Variants in CADM1 observed in about 807,000 individuals in gnomAD.
CADM1 encodes TSLC-1.
Under a neutral mutation model 53.1 loss-of-function variants are expected in CADM1, and 15 were observed. That is an observed-to-expected ratio of 0.28 (90% CI 0.19 to 0.44). CADM1 has a LOEUF of 0.44. CADM1 is among the 20% of genes least tolerant of loss of function. The pLI, the probability that CADM1 is intolerant of heterozygous loss-of-function variation, is 1.00. For missense variants in CADM1, 434 were observed against 611.3 expected, an observed-to-expected ratio of 0.71 and a Z score of 3.06; for synonymous variants, 281 against 243.0, an observed-to-expected ratio of 1.16 and a Z score of -1.45.
chr11:115,249,536 T>G (rs1942522287), intron 1 of CADM1, among the ~76,000 whole-genome samples: 1 of 152,198 alleles, frequency 6.6e-6, no homozygotes, highest in Non-Finnish European at 1.5e-5. Flanking sequence ...AAACACAAGC[T>G]ATTCACAACT....
intron 5 of CADM1, among the ~76,000 whole-genome samples, chr11:115,220,081 G>A (rs976311324): frequency 5.3e-5 from 8 of 152,096 alleles, no homozygotes; most frequent in African/African-American, 1.4e-4. Context: ...GAAAGGCTAC[G>A]TTTTTCATGC....
At position 115,175,064 on chromosome 11, in the gene CADM1, G is replaced by C; in HGVS notation, c.*1410C>G. 1 of 985,838 alleles carries C rather than the reference G, an allele frequency of 1.0e-6. No homozygotes were observed. The highest frequency in any genetic ancestry group is 1.2e-6 in the Non-Finnish European group (1 of 829,916). The allele number at this position is 985,838 out of a possible 1,614,324, so 61.1% of individuals were successfully genotyped here. ...TTGGCAGATGGTTCTTAAGGCTGAG[G>C]AAAGAGGCCAAGGCTAGTGTATGAA... On this transcript the variant is annotated 3_prime_UTR_variant, in exon 12 of 12. Transcript: ENST00000331581.
rs1158830242 is a variant in CADM1, at chr11:115,175,663, A to G, written c.*811T>C. Reference sequence around the variant, plus strand: ...TGCCCCAAACCTTTCTGGACAGCGTAGGGTATCTATACTGAGCCGTCTACA... The same window carrying G: ...TGCCCCAAACCTTTCTGGACAGCGTGGGGTATCTATACTGAGCCGTCTACA... On this transcript the variant is annotated 3_prime_UTR_variant, in exon 12 of 12. Coordinates refer to ENST00000331581, the MANE Select transcript of CADM1 (RefSeq NM_001301043.2). 2.0e-6 allele frequency: 2 copies of G among 986,098 alleles called. No individual in the cohort carries two copies. The highest frequency in any genetic ancestry group is 2.3e-4 in the East Asian group (2 of 8,842). 61.1% of individuals were successfully genotyped at this position (986,098 alleles called of 1,614,324 possible).
intron 1 of CADM1, among the ~76,000 whole-genome samples, chr11:115,353,064 G>C (rs537427901): frequency 1.3e-5 from 2 of 152,206 alleles, no homozygotes; most frequent in Non-Finnish European, 2.9e-5. Context: ...GACTGAAAAT[G>C]CTAAAGGCTT....
chr11:115,210,105 A>G (rs1244375292), intron 7 of CADM1, among the ~76,000 whole-genome samples: 1 of 152,210 alleles, frequency 6.6e-6, no homozygotes, highest in Non-Finnish European at 1.5e-5. Flanking sequence ...GCCCCTGCAC[A>G]CTTGCTCTCT....
intron 1 of CADM1, among the ~76,000 whole-genome samples, chr11:115,440,232 G>A (rs993595583): frequency 3.3e-5 from 5 of 152,274 alleles, no homozygotes; most frequent in South Asian, 2.1e-4. Context: ...GTATGGATAC[G>A]CTAAACAGCA....
At position 115,326,264 on chromosome 11, in the gene CADM1, A is replaced by G. The variant is rs1231019406; in HGVS notation, c.125-85844T>C. Among the ~76,000 whole-genome samples the G allele has an allele frequency of 2.0e-5, 3 of 152,208 alleles. No individual in the cohort carries two copies. In the East Asian group the frequency reaches 5.8e-4, roughly 29 times the overall value. The stretch of plus-strand genomic sequence containing the variant: ...CATTATCAACACTGATTTCTAAATT[A>G]ATTAACTTAAAATTAACACAAAACA... On this transcript the variant is annotated intron_variant, in intron 1 of 11. Coordinates refer to ENST00000331581, the MANE Select transcript of CADM1 (RefSeq NM_001301043.2).
At chr11:115,212,638 T>A (rs145051477) in intron 7 of CADM1, among the ~76,000 whole-genome samples, 1 of 152,314 alleles carries the variant, frequency 6.6e-6, no homozygotes, top group Non-Finnish European at 1.5e-5. Context: ...TTGAAGGGGA[T>A]TGTTCTACTG....
At chr11:115,239,545 C>T (rs1412450591) in intron 2 of CADM1, among the ~76,000 whole-genome samples, 3 of 152,110 alleles carry the variant, frequency 2.0e-5, no homozygotes, top group Admixed American at 6.6e-5. Context: ...AAGAAGCTGG[C>T]TTATTTCCTT....
At chr11:115,396,029 T>A (rs895631987) in intron 1 of CADM1, among the ~76,000 whole-genome samples, 2 of 152,152 alleles carry the variant, frequency 1.3e-5, no homozygotes, top group Admixed American at 6.5e-5. Context: ...AAATCTCTCA[T>A]CCCTAGGAAA....
chr11:115,503,602 G>C (rs1318686339), intron 1 of CADM1, among the ~76,000 whole-genome samples: 2 of 152,282 alleles, frequency 1.3e-5, no homozygotes, highest in Non-Finnish European at 2.9e-5. Context: ...TCCCCGCCTG[G>C]AGCCGGGCCA....
chr11:115,392,966 T>C (rs1591773622), intron 1 of CADM1, among the ~76,000 whole-genome samples: 1 of 147,922 alleles, frequency 6.8e-6, no homozygotes, highest in South Asian at 2.1e-4. Flanking sequence ...CCAGGGAGGA[T>C]CTCTTGGGCC....
chr11:115,203,985 A>G, intron 8 of CADM1, among the ~76,000 whole-genome samples: 1 of 152,226 alleles, frequency 6.6e-6, no homozygotes, highest in East Asian at 1.9e-4. Context: ...AGTGCCCCCA[A>G]AATATTCTTG....
intron 1 of CADM1, among the ~76,000 whole-genome samples, chr11:115,307,593 G>T (rs1944411282): frequency 6.6e-6 from 1 of 151,008 alleles, no homozygotes; most frequent in Non-Finnish European, 1.5e-5. Flanking sequence ...TCTTTATGTT[G>T]CTTCAGGTCT....
chr11:115,352,965 T>C (rs1945774000), intron 1 of CADM1, among the ~76,000 whole-genome samples: 1 of 152,230 alleles, frequency 6.6e-6, no homozygotes, highest in African/African-American at 2.4e-5. Flanking sequence ...TTTGCTATTG[T>C]GAATAGTGCT....
chr11:115,282,340 C>T (rs1216124154), intron 1 of CADM1, among the ~76,000 whole-genome samples: 1 of 152,104 alleles, frequency 6.6e-6, no homozygotes, highest in African/African-American at 2.4e-5. Flanking sequence ...ATGGCTGGAA[C>T]CTTTAGCTTC....
At chr11:115,250,050 G>T (rs903298386) in intron 1 of CADM1, among the ~76,000 whole-genome samples, 3 of 151,970 alleles carry the variant, frequency 2.0e-5, no homozygotes, top group Admixed American at 6.5e-5. Flanking sequence ...GACTACAGGC[G>T]CCCGCCACCA....
intron 10 of CADM1, among the ~76,000 whole-genome samples, chr11:115,186,513 G>C (rs1381645067): frequency 1.3e-5 from 2 of 152,122 alleles, no homozygotes. Flanking sequence ...ATTTCATAGG[G>C]GGAAAGGTGG....
chr11:115,183,421 C>T (rs913636642), intron 10 of CADM1, among the ~76,000 whole-genome samples: 1 of 152,154 alleles, frequency 6.6e-6, no homozygotes, highest in African/African-American at 2.4e-5. Flanking sequence ...GGCTCTGCTG[C>T]CAAAGTGGGG....
Sources: allele counts gnomAD v4.1 joint callset (sites outside exome capture counted in the v4.1 genomes callset), GRCh38; gene constraint gnomAD v4.1.1; transcripts MANE v1.5; gene names NCBI Gene and HGNC (gene_info 2026-07-23, HGNC 2026-07-21).